RSPH14: variants seen among roughly 807,000 people sequenced by gnomAD.
The protein encoded by RSPH14 is rhabdoid tumor deletion region gene 1.
A neutral mutation model predicts 26.7 loss-of-function variants in RSPH14; 20 were observed. The observed-to-expected ratio is 0.75, with a 90% confidence interval of 0.53 to 1.09. The LOEUF (loss-of-function observed/expected upper bound fraction) is 1.09, where lower values mean the gene tolerates loss of function less well. RSPH14 is among the 50% of genes least tolerant of loss of function. RSPH14 has a pLI of 0.00. For synonymous variants in RSPH14, 177 were observed against 189.3 expected (o/e 0.93, Z 0.53); for missense variants, 449 against 457.2 (o/e 0.98, Z 0.16).
At chr22:23,154,996 A>G in the RSPH14 span, among the ~76,000 whole-genome samples, 1 of 152,174 alleles carries the variant, frequency 6.6e-6, no homozygotes, top group Admixed American at 6.5e-5. Context: ...ACAGTGGTGC[A>G]TGCCTGTAAT....
chr22:23,150,125 C>T, the RSPH14 span: 1 of 1,612,642 alleles, frequency 6.2e-7, no homozygotes, highest in Non-Finnish European at 8.5e-7. Context: ...TCAGCGCTGC[C>T]TGCCAACGCA....
At chr22:23,101,625 GAC>G (rs917997024) in intron 4 of RSPH14, among the ~76,000 whole-genome samples, 7 of 152,226 alleles carry the variant, frequency 4.6e-5, no homozygotes, top group Non-Finnish European at 7.3e-5. Flanking sequence ...CCCTTTTCCC[GAC>G]ACACACAGGT....
the RSPH14 span, chr22:23,160,867 G>C: frequency 5.0e-6 from 8 of 1,611,820 alleles, no homozygotes; most frequent in Non-Finnish European, 6.8e-6. Flanking sequence ...CGGCTGTCTT[G>C]TGGGCCCACA....
the RSPH14 span, among the ~76,000 whole-genome samples, chr22:23,155,244 A>G: frequency 6.6e-6 from 1 of 152,192 alleles, no homozygotes; most frequent in East Asian, 1.9e-4. Flanking sequence ...ATTGGGGAAC[A>G]ATTTTCCGAC....
chr22:23,133,884 A>G, intron 4 of RSPH14, 142 bp downstream of exon 4: 1 of 611,716 alleles, frequency 1.6e-6, no homozygotes, highest in Non-Finnish European at 3.0e-6. Flanking sequence ...CACCACACCC[A>G]GCGGATATGT....
At chr22:23,136,781 A>C (rs2070492482) in intron 3 of RSPH14, among the ~76,000 whole-genome samples, 1 of 139,078 alleles carries the variant, frequency 7.2e-6, no homozygotes, top group South Asian at 2.3e-4. Flanking sequence ...TAATGTCCAC[A>C]TCAGGTCCAG....
chr22:23,127,320 C>G (rs1425434778), intron 4 of RSPH14, among the ~76,000 whole-genome samples: 1 of 152,224 alleles, frequency 6.6e-6, no homozygotes, highest in Non-Finnish European at 1.5e-5. Context: ...ACCAAGAGGC[C>G]AGAGTGTCCC....
At chr22:23,113,673 C>T (rs529909894) in intron 4 of RSPH14, among the ~76,000 whole-genome samples, 55 of 152,372 alleles carry the variant, frequency 3.6e-4, no homozygotes, top group Admixed American at 7.8e-4. Context: ...CCCCTCCACT[C>T]GGTACACCTG....
chr22:23,129,659 C>T (rs920191999), intron 4 of RSPH14, among the ~76,000 whole-genome samples: 15 of 151,976 alleles, frequency 9.9e-5, no homozygotes, highest in African/African-American at 2.9e-4. Context: ...TGGTGGCTCA[C>T]GCCTGTAATC....
At chr22:23,089,193 A>T (rs8136097) in intron 4 of RSPH14, among the ~76,000 whole-genome samples, 1,755 of 152,316 alleles carry the variant, frequency 0.012, 37 homozygotes, top group African/African-American at 0.04. Context: ...CTATAAGCTG[A>T]TAAGTCTTCC....
the RSPH14 span, among the ~76,000 whole-genome samples, chr22:23,151,974 C>G: frequency 6.6e-6 from 1 of 152,244 alleles, no homozygotes; most frequent in Non-Finnish European, 1.5e-5. Flanking sequence ...TGCCTGCTTG[C>G]AAGAGGCCGG....
intron 4 of RSPH14, among the ~76,000 whole-genome samples, chr22:23,126,983 C>T (rs546994284): frequency 1.3e-5 from 2 of 152,338 alleles, no homozygotes; most frequent in East Asian, 3.9e-4. Flanking sequence ...GGCCAAGATG[C>T]TTGATTCCAT....
intron 4 of RSPH14, among the ~76,000 whole-genome samples, chr22:23,110,583 A>G (rs2069616840): frequency 6.6e-6 from 1 of 152,222 alleles, no homozygotes; most frequent in Non-Finnish European, 1.5e-5. Flanking sequence ...ACCTGAGCAG[A>G]TGGGCAGTAG....
At chr22:23,145,514 C>A (rs9624036), upstream of RSPH14, 29 of 1,605,050 alleles carry the variant, frequency 1.8e-5, no homozygotes, top group Non-Finnish European at 2.5e-5. Context: ...TCAGGCGGAC[C>A]AGGCCGCGCG....
the RSPH14 span, chr22:23,159,318 C>T: frequency 1.4e-6 from 2 of 1,435,508 alleles, no homozygotes; most frequent in Non-Finnish European, 1.9e-6. Context: ...TCCTGTGGGG[C>T]CTGCCATGCA....
At chr22:23,129,549 A>G (rs1230221676) in intron 4 of RSPH14, among the ~76,000 whole-genome samples, 1 of 151,996 alleles carries the variant, frequency 6.6e-6, no homozygotes, top group African/African-American at 2.4e-5. Context: ...GGGTAAAGAA[A>G]GATTATCTTA....
chr22:23,167,263 C>A, the RSPH14 span, among the ~76,000 whole-genome samples: 1 of 152,228 alleles, frequency 6.6e-6, no homozygotes, highest in Non-Finnish European at 1.5e-5. Context: ...ATGGCCCCAA[C>A]CAAGCTCAGC....
intron 4 of RSPH14, among the ~76,000 whole-genome samples, chr22:23,084,187 C>T (rs1379959250): frequency 2.0e-5 from 3 of 152,168 alleles, no homozygotes; most frequent in Non-Finnish European, 2.9e-5. Context: ...TCCAAAAATA[C>T]AAGCAGTCCC....
In RSPH14 at chr22:23,134,122, T is replaced by C. The variant is rs769568694; in HGVS notation, c.325A>G (p.Ile109Val). The change falls in exon 4 of 7, where the codon ATC becomes GTC. Residue 109 changes from isoleucine to valine, a missense_variant. Transcript: ENST00000216036. ...VGRYAFLEHD[I>V]VLALSFLLND... The stretch of plus-strand genomic sequence containing the variant: ...AGCAGGAAGGACAGGGCAAGGACGA[T>C]GTCGTGCTCTAGAAAGGCGTATCTA... 1.2e-6 allele frequency: 2 copies of C among 1,611,506 alleles called. No homozygotes were observed. Among genetic ancestry groups the C allele is most frequent in the Non-Finnish European group, 1.7e-6 (2 of 1,177,992 alleles).
Sources: allele counts gnomAD v4.1 joint callset (sites outside exome capture counted in the v4.1 genomes callset), GRCh38; gene constraint gnomAD v4.1.1; transcripts MANE v1.5; gene names NCBI Gene and HGNC (gene_info 2026-07-23, HGNC 2026-07-21).